The following MRTFA variants were observed in gnomAD, a reference collection of about 807,000 sequenced individuals.
MRTFA encodes the protein myocardin-related transcription factor A.
Under a neutral mutation model 83.5 loss-of-function variants are expected in MRTFA, and 20 were observed. That is an observed-to-expected ratio of 0.24 (90% confidence interval 0.17 to 0.35). The LOEUF is 0.35. Ranked by LOEUF, MRTFA falls within the 10% of genes least tolerant of loss-of-function variation. MRTFA has a pLI of 1.00. For synonymous variants in MRTFA, 659 were observed against 541.2 expected (o/e 1.22, Z -3.02); for missense variants, 1,200 against 1,224.7 (o/e 0.98, Z 0.30).
chr22:40,533,747 A>G, intron 3 of MRTFA: 1 of 519,726 alleles, frequency 1.9e-6, no homozygotes, highest in East Asian at 3.5e-5. Context: ...CTTATGCTCA[A>G]ATCAGACTGT....
rs1033632770 is a variant in MRTFA at position 40,433,942 on chromosome 22, C to CA, written c.363+1556dup. 1.4e-4 allele frequency among the ~76,000 whole-genome samples: 22 copies of CA among 152,034 alleles called. No individual in the cohort carries two copies. The East Asian group carries it at 1.7e-3, about 12-fold the overall frequency. ...TGTTAGGAAATAAAATCATTTTGCT[C>CA]AAAAAAAATCTAGAATCCACAAAGG... On this transcript the variant is annotated intron_variant, in intron 5 of 14. Transcript: ENST00000355630.
At chr22:40,626,733 C>T (rs2056586232) in intron 1 of MRTFA, among the ~76,000 whole-genome samples, 1 of 152,110 alleles carries the variant, frequency 6.6e-6, no homozygotes, top group Non-Finnish European at 1.5e-5. Context: ...GGCATAGTGG[C>T]TCATGCCTGT....
intron 2 of MRTFA, among the ~76,000 whole-genome samples, chr22:40,558,247 CTT>C (rs34991397): frequency 2.0e-4 from 9 of 45,522 alleles, no homozygotes; most frequent in African/African-American, 7.3e-4. Flanking sequence ...TCATGCCTGG[CTT>C]TTTTTTTTTT....
At chr22:40,546,313 G>A (rs1463624094) in intron 3 of MRTFA, among the ~76,000 whole-genome samples, 1 of 152,214 alleles carries the variant, frequency 6.6e-6, no homozygotes, top group Non-Finnish European at 1.5e-5. Flanking sequence ...CTGAATGCTG[G>A]AGAGTAACAA....
intron 3 of MRTFA, among the ~76,000 whole-genome samples, chr22:40,494,060 A>G (rs1458774451): frequency 6.6e-6 from 1 of 152,124 alleles, no homozygotes; most frequent in Non-Finnish European, 1.5e-5. Context: ...TAAATGAAAG[A>G]TCTTAGATTT....
chr22:40,428,318 C>CTGG, intron 7 of MRTFA, among the ~76,000 whole-genome samples: 1 of 152,198 alleles, frequency 6.6e-6, no homozygotes, highest in East Asian at 1.9e-4. Flanking sequence ...AAATGGAGGA[C>CTGG]ACCCAGCTGG....
At chr22:40,415,811 G>T (rs2052666714) in intron 14 of MRTFA, among the ~76,000 whole-genome samples, 1 of 151,912 alleles carries the variant, frequency 6.6e-6, no homozygotes, top group Admixed American at 6.6e-5. Flanking sequence ...TTGTGCCCAT[G>T]ATGCCTACCT....
At chr22:40,459,844 T>C (rs1206965948) in intron 4 of MRTFA, among the ~76,000 whole-genome samples, 17 of 137,996 alleles carry the variant, frequency 1.2e-4, no homozygotes, top group Middle Eastern at 3.8e-3. Flanking sequence ...TATATATATA[T>C]ATATATATAT....
At chr22:40,415,051 T>C (rs2052649986) in intron 14 of MRTFA, 1 of 152,356 alleles carries the variant, frequency 6.6e-6, no homozygotes, top group African/African-American at 2.4e-5. Context: ...AAACACCTGC[T>C]TCTGGCATCA....
Position 40,500,749 on chromosome 22 carries a change from T to A in MRTFA, c.242-37463A>T, listed in dbSNP as rs1482515987. 2.7e-5 allele frequency among the ~76,000 whole-genome samples: 4 copies of A among 149,976 alleles called. No homozygotes were observed. In the South Asian group the frequency reaches 8.5e-4, roughly 32 times the overall value. ...CAACAGGATCCCAAGGCAGAGGAAT[T>A]TTTCTTAGTGCAGAACAAAATGAAA... is the stretch of plus-strand genomic sequence containing the variant. On this transcript the variant is annotated intron_variant, in intron 3 of 14. Transcript: ENST00000355630.
At chr22:40,616,042 A>G (rs1389778743) in intron 1 of MRTFA, among the ~76,000 whole-genome samples, 4 of 152,190 alleles carry the variant, frequency 2.6e-5, no homozygotes, top group Non-Finnish European at 1.5e-5. Context: ...TATCAGATTT[A>G]TCCCTAAGTA....
rs545698340 is a variant in MRTFA, at chr22:40,423,609, G to C, written c.854C>G (p.Pro285Arg). 1.3e-6 allele frequency: 2 copies of C among 1,599,702 alleles called. No homozygotes were observed. The highest frequency in any genetic ancestry group is 1.7e-5 in the Admixed American group (1 of 58,582). ...GGTGAGGCTGGGAGGCAGCAGAGGT[G>C]GGGGAGGCAGAGGAGGCTGCTCTGC... The change falls in exon 9 of 15, where the codon CCA becomes CGA. Residue 285 changes from proline to arginine, a missense_variant. Physicochemically the swap from Pro to Arg is moderately radical, Grantham distance 103. This residue lies in a region of MRTFA where 1,107 missense variants were observed against 1,041.8 expected (regional missense o/e 1.06). Transcript: ENST00000355630.
At chr22:40,467,488 T>C (rs2053829279) in intron 3 of MRTFA, among the ~76,000 whole-genome samples, 1 of 152,198 alleles carries the variant, frequency 6.6e-6, no homozygotes, top group Non-Finnish European at 1.5e-5. Flanking sequence ...TGACTTTACA[T>C]TTCCAGACCT....
At chr22:40,567,127 A>C (rs906117769) in intron 2 of MRTFA, among the ~76,000 whole-genome samples, 5 of 152,216 alleles carry the variant, frequency 3.3e-5, no homozygotes, top group Admixed American at 6.5e-5. Context: ...CATTAACTAC[A>C]AGGTAATATT....
chr22:40,619,007 A>ATC (rs1420458307), intron 1 of MRTFA, among the ~76,000 whole-genome samples: 2 of 151,262 alleles, frequency 1.3e-5, no homozygotes, highest in South Asian at 4.2e-4. Context: ...ATATATATAT[A>ATC]TCAATAATCC....
chr22:40,499,930 T>TC (rs2054428414), intron 3 of MRTFA, among the ~76,000 whole-genome samples: 1 of 145,500 alleles, frequency 6.9e-6, no homozygotes, highest in Admixed American at 6.9e-5. Flanking sequence ...TTTTTTTTTT[T>TC]TTTTTTTTTG....
intron 2 of MRTFA, among the ~76,000 whole-genome samples, chr22:40,571,467 G>A (rs1335426031): frequency 2.0e-5 from 3 of 151,948 alleles, no homozygotes; most frequent in Admixed American, 2.0e-4. Flanking sequence ...GTGCATCAAA[G>A]GATAATATCA....
At chr22:40,455,027 T>G (rs1481229044) in intron 4 of MRTFA, among the ~76,000 whole-genome samples, 1 of 152,152 alleles carries the variant, frequency 6.6e-6, no homozygotes, top group African/African-American at 2.4e-5. Context: ...TTCAAACTCC[T>G]GGGCTCAAGA....
At chr22:40,495,794 G>A (rs1046207696) in intron 3 of MRTFA, among the ~76,000 whole-genome samples, 2 of 151,100 alleles carry the variant, frequency 1.3e-5, no homozygotes, top group African/African-American at 4.9e-5. Flanking sequence ...GTCTGGCTGG[G>A]TGCAGTGGCT....
Sources: allele counts gnomAD v4.1 joint callset (sites outside exome capture counted in the v4.1 genomes callset), GRCh38; gene constraint gnomAD v4.1.1; regional missense constraint gnomAD v4.1.1; transcripts MANE v1.5; gene names NCBI Gene and HGNC (gene_info 2026-07-23, HGNC 2026-07-21).